The following VWA5B2 variants were observed in gnomAD, a reference collection of about 807,000 sequenced individuals.
VWA5B2 encodes von Willebrand factor A domain containing 5B2, also known as von Willebrand factor A domain-containing protein 5B2.
Under a neutral mutation model 118.5 loss-of-function variants are expected in VWA5B2, and 93 were observed. The observed-to-expected ratio is 0.79, with a 90% CI of 0.66 to 0.93. VWA5B2 has a LOEUF of 0.93. VWA5B2 is among the 40% of genes least tolerant of loss of function. The pLI, the probability that VWA5B2 is intolerant of heterozygous loss-of-function variation, is 0.00. For missense variants in VWA5B2, 1,546 were observed against 1,672.8 expected (o/e 0.92, Z 1.32); for synonymous variants, 708 against 716.3 (o/e 0.99, Z 0.19).
rs1717283781 is a variant in VWA5B2, at chr3:184,230,627, C to T, written c.99C>T (p.Ala33=). The T allele has an allele frequency of 2.7e-5, 38 of 1,403,830 alleles. No homozygotes were observed. Among genetic ancestry groups the T allele is most frequent in the Non-Finnish European group, 3.4e-5 (37 of 1,083,622 alleles). 87.0% of individuals were successfully genotyped at this position (1,403,830 alleles called of 1,614,324 possible). The change falls in exon 2 of 20, where the codon GCC becomes GCT. Residue 33 remains alanine (A), a synonymous_variant. Coordinates refer to ENST00000691901, the MANE Select transcript of VWA5B2 (RefSeq NM_001390846.1). ...CANGPCLSVR[A]RLTYRNPQPQ... is the part of the protein sequence containing the mutation. ...ACGGCCCCTGCCTCAGCGTGCGGGC[C>T]CGGCTCACCTACCGCAACCCGCAGC...
At position 184,235,731 on chromosome 3, in the gene VWA5B2, C is replaced by A. The variant is rs867157075; in HGVS notation, c.1102-421C>A. Among the ~76,000 whole-genome samples, 41 of 151,714 alleles carry A rather than the reference C, an allele frequency of 2.7e-4. 1 individual carries two copies. Among genetic ancestry groups the A allele is most frequent in the Non-Finnish European group, 1.5e-5 (1 of 67,890 alleles). On this transcript the variant is annotated intron_variant, in intron 8 of 19. Coordinates refer to ENST00000691901, the MANE Select transcript of VWA5B2 (RefSeq NM_001390846.1). The stretch of plus-strand genomic sequence containing the variant: ...ACAGCCATGTGTACCTCCAGAGTCC[C>A]ACACACAGCCATGTGTACCTCCAGA...
At position 184,237,447 on chromosome 3, in the gene VWA5B2, G is replaced by A; in HGVS notation, c.1719+36G>A. On this transcript the variant is annotated intron_variant, in intron 12 of 19. Transcript: ENST00000691901. This position sits in a 1 kb window ranked among gnomAD's most constrained non-coding sequence, Gnocchi z 5.6. Reference sequence around the variant, plus strand: ...GCTGGGGTGTGGTAGGGGGGCTAGGGTGAGGTAGGGGGGCCTGGGATGGCT... The same window carrying A: ...GCTGGGGTGTGGTAGGGGGGCTAGGATGAGGTAGGGGGGCCTGGGATGGCT... 2 of 1,527,292 alleles carry A rather than the reference G, an allele frequency of 1.3e-6. No individual in the cohort carries two copies. Among genetic ancestry groups the A allele is most frequent in the Non-Finnish European group, 8.8e-7 (1 of 1,131,118 alleles). 94.6% of individuals were successfully genotyped at this position (1,527,292 alleles called of 1,614,324 possible). A position where few individuals can be genotyped will look rare whatever the true frequency, so the allele number is the denominator to read the frequency against.
chr3:184,232,411 C>CT (rs895697350), intron 3 of VWA5B2, among the ~76,000 whole-genome samples: 1 of 152,168 alleles, frequency 6.6e-6, no homozygotes, highest in Non-Finnish European at 1.5e-5. Flanking sequence ...AAGCCCCTTT[C>CT]TTTCTTTCCT....
intron 3 of VWA5B2, chr3:184,232,754 C>T (rs1717525020): frequency 5.7e-6 from 1 of 176,338 alleles, no homozygotes; most frequent in African/African-American, 2.4e-5. Context: ...GGGGGAGCTC[C>T]TGATGGTTCA....
Position 184,239,385 on chromosome 3 carries a change from C to A in VWA5B2, c.2203-9C>A. The A allele has an allele frequency of 6.5e-7, 1 of 1,531,368 alleles. No individual in the cohort carries two copies. The allele number at this position is 1,531,368 out of a possible 1,614,324, so 94.9% of individuals were successfully genotyped here. A position where few individuals can be genotyped will look rare whatever the true frequency, so the allele number is the denominator to read the frequency against. On this transcript the variant is annotated splice_polypyrimidine_tract_variant and intron_variant, in intron 14 of 19. Coordinates refer to ENST00000691901, the MANE Select transcript of VWA5B2 (RefSeq NM_001390846.1). The surrounding 1 kb of genome is among the most constrained non-coding windows in gnomAD (Gnocchi z 5.1). ...TCCTTGACCAGTGGCCCCCATATCT[C>A]ACATGCAGGTGGGGGCCTTGAGTAC... is the stretch of plus-strand genomic sequence containing the variant.
chr3:184,233,753 C>T lies in VWA5B2; in HGVS notation c.688+20C>T. On this transcript the variant is annotated intron_variant, in intron 5 of 19. Transcript: ENST00000691901. The surrounding 1 kb of genome is among the most constrained non-coding windows in gnomAD (Gnocchi z 5.2). ...TTGCAGGTGGGTGCATCTGGCTGGC[C>T]TGCCCTCTTTTCAGATGCCCACTCC... The T allele has an allele frequency of 1.3e-6, 2 of 1,548,660 alleles. No individual in the cohort carries two copies. The highest frequency in any genetic ancestry group is 1.7e-6 in the Non-Finnish European group (2 of 1,146,364).
chr3:184,242,216 C>A lies in VWA5B2; in HGVS notation c.*178C>A. Reference sequence around the variant, plus strand: ...CAAAAAGTGCCTGCCTGTGCTCTCTCCCTCTCCTCCCACCCCACTCACACT... The same window carrying A: ...CAAAAAGTGCCTGCCTGTGCTCTCTACCTCTCCTCCCACCCCACTCACACT... On this transcript the variant is annotated 3_prime_UTR_variant, in exon 20 of 20. Transcript: ENST00000691901. 1.2e-6 allele frequency: 1 copy of A among 806,616 alleles called. No individual in the cohort carries two copies. The highest frequency in any genetic ancestry group is 1.7e-5 in the South Asian group (1 of 58,376). 50.0% of individuals were successfully genotyped at this position (806,616 alleles called of 1,614,324 possible).
intron 3 of VWA5B2, chr3:184,232,973 C>A: frequency 1.7e-6 from 1 of 583,604 alleles, no homozygotes; most frequent in Non-Finnish European, 3.0e-6. Flanking sequence ...TGCCTGATGA[C>A]AGCCAGATCT....
Position 184,238,364 on chromosome 3 carries a change from C to T in VWA5B2, c.1781C>T (p.Pro594Leu), listed in dbSNP as rs1039295801. ...GTGTTTCCATCCCCAGAAGAGGCCC[C>T]GTCTGCTGCCAGCCCTGGCACTGAG... Reference protein sequence around the residue: ...GSVFPSPEEAPSAASPGTEPT... With the variant: ...GSVFPSPEEALSAASPGTEPT... Residue 594 changes from proline (P) to leucine (L), a missense_variant, in exon 13 of 20, where the codon CCG becomes CTG. Transcript: ENST00000691901. The surrounding 1 kb of genome is among the most constrained non-coding windows in gnomAD (Gnocchi z 5.0). The T allele has an allele frequency of 6.5e-6, 10 of 1,550,334 alleles. No homozygotes were observed. The East Asian group carries it at 7.3e-5, about 11-fold the overall frequency.
Position 184,239,438 on chromosome 3 carries a change from G to C in VWA5B2, c.2247G>C (p.Ala749=). 1 of 1,549,670 alleles carries C rather than the reference G, an allele frequency of 6.5e-7. No individual in the cohort carries two copies. The highest frequency in any genetic ancestry group is 8.7e-7 in the Non-Finnish European group (1 of 1,146,306). The part of the protein sequence containing the change: ...STEVLGRQHR[A]ALAGRSLSSP... Reference sequence around the variant, plus strand: ...AGGTGCTGGGCCGTCAGCACAGAGCGGCTCTGGCTGGCCGAAGCCTCTCAT... The same window carrying C: ...AGGTGCTGGGCCGTCAGCACAGAGCCGCTCTGGCTGGCCGAAGCCTCTCAT... Residue 749 remains alanine, a synonymous_variant, in exon 15 of 20, where the codon GCG becomes GCC. Coordinates refer to ENST00000691901, the MANE Select transcript of VWA5B2 (RefSeq NM_001390846.1). This position sits in a 1 kb window ranked among gnomAD's most constrained non-coding sequence, Gnocchi z 5.1.
chr3:184,240,949 CCT>C, intron 17 of VWA5B2, 21 bp downstream of exon 17: 1 of 1,551,524 alleles, frequency 6.4e-7, no homozygotes, highest in Non-Finnish European at 8.7e-7. Context: ...CTTCTGGTGA[CCT>C]CTCAGGTGCA....
At chr3:184,234,200 C>T in intron 5 of VWA5B2, 66 bp from the exon 6 acceptor site, 1 of 1,530,680 alleles carries the variant, frequency 6.5e-7, no homozygotes, top group South Asian at 1.2e-5. Context: ...TGACCCCTGC[C>T]AACATTTGCT....
At chr3:184,240,057 G>C in intron 16 of VWA5B2, 21 bp downstream of exon 16, 1 of 1,501,316 alleles carries the variant, frequency 6.7e-7, no homozygotes, top group Non-Finnish European at 8.9e-7. Flanking sequence ...CATGGGTCCA[G>C]TCAGGACCCA....
intron 5 of VWA5B2, 112 bp from the exon 6 acceptor site, chr3:184,234,154 T>C (rs1717706998): frequency 7.5e-7 from 1 of 1,338,548 alleles, no homozygotes; most frequent in Non-Finnish European, 1.0e-6. Flanking sequence ...TCTGACCCCA[T>C]ATAGATCAGA....
intron 16 of VWA5B2, chr3:184,240,448 G>C (rs1233702374): frequency 2.5e-6 from 1 of 393,640 alleles, no homozygotes; most frequent in African/African-American, 2.0e-5. Flanking sequence ...AATGTGACTA[G>C]TGGCTACCAC....
At position 184,237,310 on chromosome 3, in the gene VWA5B2, C is replaced by T. The variant is rs1245348906; in HGVS notation, c.1618C>T (p.Leu540=). 6.4e-7 allele frequency: 1 copy of T among 1,551,626 alleles called. No individual in the cohort carries two copies. Among genetic ancestry groups the T allele is most frequent in the Non-Finnish European group, 8.7e-7 (1 of 1,147,026 alleles). ...GTTTGTGCCCGACACTGTGGAGGCA[C>T]TGCTGACCCCCCGGGAGATCCCAGC... ...DWFVPDTVEA[L]LTPREIPALY... Residue 540 remains leucine (L), a synonymous_variant, in exon 12 of 20, where the codon CTG becomes TTG. Coordinates refer to ENST00000691901, the MANE Select transcript of VWA5B2 (RefSeq NM_001390846.1). This position sits in a 1 kb window ranked among gnomAD's most constrained non-coding sequence, Gnocchi z 5.6.
chr3:184,230,853 G>C lies in VWA5B2; in HGVS notation c.246G>C (p.Gln82His). The C allele has an allele frequency of 8.0e-7, 1 of 1,243,186 alleles. No individual in the cohort carries two copies. Among genetic ancestry groups the C allele is most frequent in the Non-Finnish European group, 1.0e-6 (1 of 994,134 alleles). The allele number at this position is 1,243,186 out of a possible 1,614,324, so 77.0% of individuals were successfully genotyped here. A position where few individuals can be genotyped will look rare whatever the true frequency, so the allele number is the denominator to read the frequency against. ...AGCTGCAGAGCCGGCGCCGCTCGCA[G>C]GCCGCCTGCTGCCGCGCTCTGGGCC... is the stretch of plus-strand genomic sequence containing the variant. ...SFQLQSRRRS[Q>H]AACCRALGPG... Residue 82 changes from glutamine (Q) to histidine (H), a missense_variant, in exon 3 of 20, where the codon CAG (glutamine) becomes CAC (histidine). By Grantham distance (24) the Gln-to-His change is conservative. This residue lies in a region of VWA5B2 where 775 missense variants were observed against 882.3 expected (regional missense o/e 0.88). Coordinates refer to ENST00000691901, the MANE Select transcript of VWA5B2 (RefSeq NM_001390846.1).
Position 184,238,613 on chromosome 3 carries a change from GAC to G in VWA5B2, c.1946_1947del (p.Thr649SerfsTer36). The G allele has an allele frequency of 1.9e-6, 3 of 1,551,870 alleles. No individual in the cohort carries two copies. Among genetic ancestry groups the G allele is most frequent in the East Asian group, 2.4e-5 (1 of 40,926 alleles). ...CACGGATCCTGGACCCAACCCCTCT[GAC>G]ACAGCCATATGGCGCCGCATCTTTC... Reference protein sequence around the residue: ...PVTDPGPNPSDTAIWRRIFQS... With the variant: ...PVTDPGPNPSXTAIWRRIFQS... On this transcript the variant is annotated frameshift_variant, in exon 14 of 20. Transcript: ENST00000691901. LOFTEE classifies it high-confidence loss of function. This position sits in a 1 kb window ranked among gnomAD's most constrained non-coding sequence, Gnocchi z 5.0.
chr3:184,237,456 G>T lies in VWA5B2; in HGVS notation c.1719+45G>T. 1 of 1,517,022 alleles carries T rather than the reference G, an allele frequency of 6.6e-7. No individual in the cohort carries two copies. Among genetic ancestry groups the T allele is most frequent in the South Asian group, 1.2e-5 (1 of 80,910 alleles). The allele number at this position is 1,517,022 out of a possible 1,614,324, so 94.0% of individuals were successfully genotyped here. On this transcript the variant is annotated intron_variant, in intron 12 of 19. Transcript: ENST00000691901. This position sits in a 1 kb window ranked among gnomAD's most constrained non-coding sequence, Gnocchi z 5.6. ...TGGTAGGGGGGCTAGGGTGAGGTAG[G>T]GGGGCCTGGGATGGCTGAAGTCCCC...
Sources: allele counts gnomAD v4.1 joint callset (sites outside exome capture counted in the v4.1 genomes callset), GRCh38; gene constraint gnomAD v4.1.1; regional missense constraint gnomAD v4.1.1; non-coding constraint Gnocchi (gnomAD v3.1); transcripts MANE v1.5; gene names NCBI Gene and HGNC (gene_info 2026-07-23, HGNC 2026-07-21).